The following CAST variants were observed in gnomAD, a reference collection of about 807,000 sequenced individuals.
CAST encodes the protein MIR583 host.
A neutral mutation model predicts 119.6 loss-of-function variants in CAST; 76 were observed. The ratio of observed to expected loss-of-function variants is 0.64; its 90% confidence interval spans 0.53 to 0.77. CAST has a LOEUF of 0.77. Ranked by LOEUF, CAST falls within the 30% of genes least tolerant of loss-of-function variation. The pLI is 0.00. For synonymous variants in CAST, 319 were observed against 331.6 expected (o/e 0.96, Z 0.41); for missense variants, 953 against 946.5 (o/e 1.01, Z -0.09).
At chr5:96,585,604 A>G (rs1318628616) in intron 1 of CAST, among the ~76,000 whole-genome samples, 1 of 152,144 alleles carries the variant, frequency 6.6e-6, no homozygotes, top group East Asian at 1.9e-4. Flanking sequence ...TACCACAATC[A>G]AACACATCTA....
At chr5:96,113,564 A>G in the CAST span, among the ~76,000 whole-genome samples, 2 of 152,252 alleles carry the variant, frequency 1.3e-5, no homozygotes. Context: ...TAGTGCCATT[A>G]GGAACTTAAG....
intron 1 of CAST, among the ~76,000 whole-genome samples, chr5:96,647,595 G>C (rs972050776): frequency 7.9e-5 from 12 of 152,094 alleles, no homozygotes; most frequent in African/African-American, 2.7e-4. Flanking sequence ...AGGTAATCAA[G>C]TTAAAATGAG....
intron 1 of CAST, among the ~76,000 whole-genome samples, chr5:96,610,563 T>C (rs527379560): frequency 6.6e-6 from 1 of 152,256 alleles, no homozygotes; most frequent in South Asian, 2.1e-4. Flanking sequence ...ATGAACATCA[T>C]ACTGAATGGA....
chr5:96,216,724 A>G, the CAST span, among the ~76,000 whole-genome samples: 3 of 152,204 alleles, frequency 2.0e-5, no homozygotes, highest in Non-Finnish European at 4.4e-5. Flanking sequence ...TGAAAGCTCA[A>G]GTTTTATCAT....
the CAST span, among the ~76,000 whole-genome samples, chr5:96,186,858 C>T: frequency 2.6e-5 from 4 of 152,170 alleles, no homozygotes; most frequent in Non-Finnish European, 5.9e-5. Context: ...ATGGTGCTGG[C>T]TTTACAGAAT....
At chr5:96,394,951 C>G in the CAST span, 2 of 1,614,110 alleles carry the variant, frequency 1.2e-6, no homozygotes, top group South Asian at 2.2e-5. Flanking sequence ...GCTTCATATG[C>G]TCTGGCTGAG....
At chr5:96,091,487 G>A in the CAST span, among the ~76,000 whole-genome samples, 204 of 143,718 alleles carry the variant, frequency 1.4e-3, no homozygotes, top group Middle Eastern at 4.5e-3. Flanking sequence ...TTACAGGCAT[G>A]AGCCACCATG....
chr5:96,501,617 C>T, the CAST span, among the ~76,000 whole-genome samples: 2 of 152,124 alleles, frequency 1.3e-5, no homozygotes, highest in East Asian at 1.9e-4. Flanking sequence ...CCAAATAAAT[C>T]CCATTTTTTC....
the CAST span, among the ~76,000 whole-genome samples, chr5:95,996,050 A>C: frequency 6.6e-6 from 1 of 152,122 alleles, no homozygotes; most frequent in African/African-American, 2.4e-5. Context: ...TCACCTTCCC[A>C]AGGCAGCATA....
the CAST span, among the ~76,000 whole-genome samples, chr5:96,377,730 T>A: frequency 1.8e-4 from 27 of 152,310 alleles, no homozygotes; most frequent in East Asian, 5.2e-3. Flanking sequence ...TGTGCAACTA[T>A]TTACCCATTT....
the CAST span, among the ~76,000 whole-genome samples, chr5:96,368,522 A>T: frequency 1.3e-5 from 2 of 151,822 alleles, no homozygotes; most frequent in African/African-American, 2.4e-5. Context: ...AAAACAAAAA[A>T]ACCTATAGAA....
the CAST span, chr5:96,429,252 A>C: frequency 6.2e-7 from 1 of 1,601,928 alleles, no homozygotes; most frequent in Non-Finnish European, 8.6e-7. Context: ...TATGAAAGGC[A>C]CTCCTTCGAG....
chr5:96,050,387 T>G, the CAST span, among the ~76,000 whole-genome samples: 1 of 147,458 alleles, frequency 6.8e-6, no homozygotes. Context: ...TGGGAGGGGG[T>G]GGAATTTGCT....
the CAST span, among the ~76,000 whole-genome samples, chr5:96,347,027 T>A: frequency 6.6e-6 from 1 of 152,100 alleles, no homozygotes; most frequent in Non-Finnish European, 1.5e-5. Context: ...TGGGCATCTT[T>A]CAGACGGGTT....
chr5:96,223,035 C>T, the CAST span, among the ~76,000 whole-genome samples: 11 of 152,244 alleles, frequency 7.2e-5, no homozygotes, highest in African/African-American at 2.6e-4. Flanking sequence ...CTTGTTCTCA[C>T]TCATATCACT....
chr5:96,685,264 A>G (rs1231967319), intron 2 of CAST, among the ~76,000 whole-genome samples: 1 of 152,296 alleles, frequency 6.6e-6, no homozygotes, highest in East Asian at 1.9e-4. Context: ...AGCACAGATC[A>G]TAAGCACTAG....
chr5:96,650,328 C>CA (rs1199033309), intron 1 of CAST, among the ~76,000 whole-genome samples: 2 of 152,126 alleles, frequency 1.3e-5, no homozygotes, highest in East Asian at 3.9e-4. Context: ...ATGATGATGT[C>CA]AACAATGAAA....
the CAST span, among the ~76,000 whole-genome samples, chr5:96,229,600 A>T: frequency 6.6e-6 from 1 of 152,164 alleles, no homozygotes; most frequent in Non-Finnish European, 1.5e-5. Flanking sequence ...AGTTAGAGTG[A>T]ATTCTAAATT....
At chr5:96,001,732 A>T in the CAST span, among the ~76,000 whole-genome samples, 1 of 152,262 alleles carries the variant, frequency 6.6e-6, no homozygotes, top group African/African-American at 2.4e-5. Context: ...CATGAATCTC[A>T]TATAAATTAA....
Sources: gnomAD v4.1 joint callset for allele counts (sites outside exome capture counted in the v4.1 genomes callset) on GRCh38, gnomAD v4.1.1 for gene constraint, MANE v1.5 for transcripts, NCBI Gene and HGNC (gene_info 2026-07-23, HGNC 2026-07-21) for gene names.